Variants in RAB10 observed in about 807,000 individuals in gnomAD.
The protein encoded by RAB10 is ras-related protein Rab-10.
Under a neutral mutation model 25.7 loss-of-function variants are expected in RAB10, and 5 were observed. That is an observed-to-expected ratio of 0.19 (90% CI 0.10 to 0.41). The LOEUF is 0.41. RAB10 is among the 10% of genes least tolerant of loss of function. The probability of loss-of-function intolerance (pLI) is 1.00; values close to 1 mark genes in which losing one functional copy is unlikely to be tolerated. For missense variants in RAB10, 103 were observed against 245.8 expected (o/e 0.42, Z 3.89); for synonymous variants, 89 against 86.4 (o/e 1.03, Z -0.16).
chr2:26,042,800 C>G (rs117589642), intron 1 of RAB10: 1 of 151,684 alleles, frequency 6.6e-6, no homozygotes, highest in Non-Finnish European at 1.5e-5. Context: ...AAAAAAAAAC[C>G]TCTGTAGGTA....
chr2:26,049,340 G>T (rs1666083577), intron 1 of RAB10, among the ~76,000 whole-genome samples: 1 of 151,504 alleles, frequency 6.6e-6, no homozygotes, highest in South Asian at 2.1e-4. Flanking sequence ...GACCTGACAG[G>T]AATGAAAATG....
chr2:26,070,918 A>T (rs781138272), intron 1 of RAB10, among the ~76,000 whole-genome samples: 3 of 152,164 alleles, frequency 2.0e-5, no homozygotes, highest in African/African-American at 4.8e-5. Context: ...TAATTCTAAG[A>T]CATTTGCCTT....
chr2:26,102,435 C>CTT (rs1667361154), intron 2 of RAB10, among the ~76,000 whole-genome samples: 6 of 134,472 alleles, frequency 4.5e-5, no homozygotes, highest in African/African-American at 1.8e-4. Context: ...TTTCTTTTTT[C>CTT]TTTCTTTTTT....
chr2:26,080,751 T>TA (rs1417108926), intron 1 of RAB10, among the ~76,000 whole-genome samples: 1 of 152,164 alleles, frequency 6.6e-6, no homozygotes, highest in Non-Finnish European at 1.5e-5. Context: ...TCTTAACTCC[T>TA]GGCCTCCCAA....
intron 1 of RAB10, among the ~76,000 whole-genome samples, chr2:26,035,306 A>T (rs1665742253): frequency 6.6e-6 from 1 of 152,188 alleles, no homozygotes; most frequent in Admixed American, 6.5e-5. Flanking sequence ...GGACTCTGGC[A>T]TATTTGCCTC....
chr2:26,079,858 G>A (rs1179809660), intron 1 of RAB10, among the ~76,000 whole-genome samples: 1 of 152,078 alleles, frequency 6.6e-6, no homozygotes, highest in East Asian at 1.9e-4. Flanking sequence ...TAGAGACGAG[G>A]TCTCATTATG....
intron 1 of RAB10, among the ~76,000 whole-genome samples, chr2:26,091,241 A>T (rs1667100111): frequency 6.6e-6 from 1 of 152,192 alleles, no homozygotes; most frequent in Non-Finnish European, 1.5e-5. Context: ...GCAATGAGAG[A>T]TGAATAATAA....
At chr2:26,109,072 G>A (rs891636284) in intron 2 of RAB10, among the ~76,000 whole-genome samples, 5 of 151,520 alleles carry the variant, frequency 3.3e-5, no homozygotes, top group Admixed American at 6.6e-5. Context: ...CCACCATGCC[G>A]GGCTAATTTT....
intron 1 of RAB10, among the ~76,000 whole-genome samples, chr2:26,038,378 T>G (rs1322191809): frequency 6.6e-6 from 1 of 151,542 alleles, no homozygotes; most frequent in African/African-American, 2.4e-5. Flanking sequence ...GTATTTTTAG[T>G]AGAGGTGGTG....
chr2:26,121,354 T>C (rs1667800024), intron 3 of RAB10, among the ~76,000 whole-genome samples: 1 of 152,140 alleles, frequency 6.6e-6, no homozygotes, highest in African/African-American at 2.4e-5. Flanking sequence ...TACACATGGA[T>C]ATTTTTGTTT....
chr2:26,098,357 C>T (rs1022034044), intron 1 of RAB10, among the ~76,000 whole-genome samples: 8 of 152,044 alleles, frequency 5.3e-5, no homozygotes, highest in African/African-American at 1.9e-4. Context: ...AGGCTGGTCT[C>T]GAACGCCTGG....
chr2:26,129,012 T>C (rs1037805967), intron 5 of RAB10, among the ~76,000 whole-genome samples: 8 of 152,048 alleles, frequency 5.3e-5, no homozygotes, highest in Non-Finnish European at 1.2e-4. Flanking sequence ...GTGGCTCACG[T>C]CTATAATCCC....
At chr2:26,134,780 G>A (rs1225747869) in intron 5 of RAB10, among the ~76,000 whole-genome samples, 158 bp from the exon 6 acceptor site, 1 of 152,180 alleles carries the variant, frequency 6.6e-6, no homozygotes, top group African/African-American at 2.4e-5. Flanking sequence ...TCAAAACAAA[G>A]CTTCCAAATC....
intron 2 of RAB10, among the ~76,000 whole-genome samples, chr2:26,099,777 C>T (rs57645880): frequency 6.6e-6 from 1 of 151,942 alleles, no homozygotes; most frequent in Non-Finnish European, 1.5e-5. Flanking sequence ...CTCCTGACCT[C>T]GTGATCCGCC....
intron 1 of RAB10, among the ~76,000 whole-genome samples, chr2:26,041,334 A>G (rs1665879534): frequency 6.6e-6 from 1 of 150,956 alleles, no homozygotes; most frequent in African/African-American, 2.4e-5. Flanking sequence ...AGAGGTCAGG[A>G]GTTTGAGACC....
chr2:26,095,661 G>A (rs1667197412), intron 1 of RAB10, among the ~76,000 whole-genome samples: 1 of 151,652 alleles, frequency 6.6e-6, no homozygotes, highest in Non-Finnish European at 1.5e-5. Flanking sequence ...CCGTAATCCT[G>A]ACATCTTGGG....
intron 1 of RAB10, among the ~76,000 whole-genome samples, chr2:26,036,880 CAG>C (rs1286680512): frequency 3.3e-5 from 5 of 152,062 alleles, no homozygotes; most frequent in South Asian, 2.1e-4. Context: ...ACCTCCGCCT[CAG>C]GGGTTCAAGC....
chr2:26,061,825 C>T (rs987378848), intron 1 of RAB10, among the ~76,000 whole-genome samples: 2 of 125,620 alleles, frequency 1.6e-5, no homozygotes, highest in Non-Finnish European at 3.2e-5. Context: ...GCTACGATTT[C>T]GGGTCACTGC....
At position 26,034,313 on chromosome 2, in the gene RAB10, G is replaced by T. The variant is rs1370440038; in HGVS notation, c.-296G>T. On this transcript the variant is annotated 5_prime_UTR_variant, in exon 1 of 6. Coordinates refer to ENST00000264710, the MANE Select transcript of RAB10 (RefSeq NM_016131.5). Reference sequence around the variant, plus strand: ...GCTTGCTCGCCCGTGGGAGCGTCCCGGCCGAGAAGCCCTGAGGGGGGAGGG... The same window carrying T: ...GCTTGCTCGCCCGTGGGAGCGTCCCTGCCGAGAAGCCCTGAGGGGGGAGGG... 4 of 547,842 alleles carry T rather than the reference G, an allele frequency of 7.3e-6. No homozygotes were observed. Among genetic ancestry groups the T allele is most frequent in the East Asian group, 2.9e-5 (1 of 34,838 alleles). The allele number at this position is 547,842 out of a possible 1,614,324, so 33.9% of individuals were successfully genotyped here. A position where few individuals can be genotyped will look rare whatever the true frequency, so the allele number is the denominator to read the frequency against.
Sources: gnomAD v4.1 joint callset for allele counts (sites outside exome capture counted in the v4.1 genomes callset) on GRCh38, gnomAD v4.1.1 for gene constraint, MANE v1.5 for transcripts, NCBI Gene and HGNC (gene_info 2026-07-23, HGNC 2026-07-21) for gene names.